Variants in ARID5B observed in about 807,000 individuals in gnomAD.
The protein encoded by ARID5B is AT-rich interactive domain-containing protein 5B.
In ARID5B, 13 loss-of-function variants were observed where a neutral mutation model predicts 97.2. That is an observed-to-expected ratio of 0.13 (90% CI 0.09 to 0.21). The LOEUF (loss-of-function observed/expected upper bound fraction) is 0.21, where lower values mean the gene tolerates loss of function less well. Ranked by LOEUF, ARID5B falls within the 10% of genes least tolerant of loss-of-function variation. The pLI, the probability that ARID5B is intolerant of heterozygous loss-of-function variation, is 1.00. For missense variants in ARID5B, 1,210 were observed against 1,465.3 expected, an observed-to-expected ratio of 0.83 and a Z score of 2.84; for synonymous variants, 556 against 570.3, an observed-to-expected ratio of 0.97 and a Z score of 0.36.
At chr10:61,909,026 C>T (rs1397893385) in intron 2 of ARID5B, among the ~76,000 whole-genome samples, 4 of 152,092 alleles carry the variant, frequency 2.6e-5, no homozygotes, top group Non-Finnish European at 5.9e-5. Flanking sequence ...ATTATTACTT[C>T]CTGGACACAT....
chr10:62,049,495 T>C (rs1191734356), intron 4 of ARID5B: 5 of 1,550,398 alleles, frequency 3.2e-6, no homozygotes, highest in Non-Finnish European at 3.5e-6. Context: ...TAATCGCTAC[T>C]TTCTCTTTGC....
intron 2 of ARID5B, among the ~76,000 whole-genome samples, chr10:61,936,709 GAGA>G (rs1844306774): frequency 6.6e-6 from 1 of 152,028 alleles, no homozygotes; most frequent in Admixed American, 6.6e-5. Context: ...CACCAATTTA[GAGA>G]AGAAATAACA....
At chr10:61,903,354 C>A (rs756927574) in intron 2 of ARID5B, among the ~76,000 whole-genome samples, 4 of 152,170 alleles carry the variant, frequency 2.6e-5, no homozygotes, top group Non-Finnish European at 2.9e-5. Context: ...CGGAGGTGAG[C>A]CCGCTGTCAC....
At chr10:61,977,192 C>T (rs573915414) in intron 3 of ARID5B, among the ~76,000 whole-genome samples, 1 of 152,142 alleles carries the variant, frequency 6.6e-6, no homozygotes, top group Non-Finnish European at 1.5e-5. Flanking sequence ...TGAACTCATC[C>T]TTTTTTATGG....
At position 61,979,688 on chromosome 10, in the gene ARID5B, G is replaced by C. The variant is rs532638500; in HGVS notation, c.503-20403G>C. ...CCTCTATCCAGGTCTGGCACAAACAGTAGCCACAGCAACCACAGTGATTAG... is the reference window on the plus strand; with the variant it reads ...CCTCTATCCAGGTCTGGCACAAACACTAGCCACAGCAACCACAGTGATTAG... On this transcript the variant is annotated intron_variant, in intron 3 of 9. Transcript: ENST00000279873. Among the ~76,000 whole-genome samples the C allele has an allele frequency of 2.6e-5, 4 of 152,282 alleles. No individual in the cohort carries two copies. In the South Asian group the frequency reaches 6.2e-4, roughly 24 times the overall value.
At chr10:61,910,653 C>A (rs1001863567) in intron 2 of ARID5B, among the ~76,000 whole-genome samples, 3 of 152,158 alleles carry the variant, frequency 2.0e-5, no homozygotes, top group Non-Finnish European at 1.5e-5. Flanking sequence ...GCATCAGTAT[C>A]GACAACACAT....
At chr10:62,016,316 AC>A (rs1306707631) in intron 4 of ARID5B, among the ~76,000 whole-genome samples, 1 of 152,182 alleles carries the variant, frequency 6.6e-6, no homozygotes, top group Non-Finnish European at 1.5e-5. Flanking sequence ...AAATGTATTG[AC>A]CTCTGATATA....
intron 3 of ARID5B, among the ~76,000 whole-genome samples, chr10:61,942,917 G>A (rs1362994550): frequency 2.0e-5 from 3 of 152,144 alleles, no homozygotes; most frequent in Admixed American, 2.0e-4. Context: ...ATGATCAACA[G>A]GAGAGTTGAT....
intron 3 of ARID5B, among the ~76,000 whole-genome samples, chr10:61,963,371 C>T (rs138390460): frequency 3.0e-3 from 462 of 152,196 alleles, no homozygotes; most frequent in Non-Finnish European, 5.5e-3. Flanking sequence ...CTTTGTTTCC[C>T]TACCTGTTAC....
At chr10:62,051,099 A>G (rs1290426933) in intron 5 of ARID5B, 99 bp downstream of exon 5, 3 of 977,044 alleles carry the variant, frequency 3.1e-6, no homozygotes, top group Non-Finnish European at 4.8e-6. Context: ...GCAGTTTTCA[A>G]TTCAGCATCT....
At chr10:61,932,340 A>G (rs1371614107) in intron 2 of ARID5B, among the ~76,000 whole-genome samples, 3 of 151,846 alleles carry the variant, frequency 2.0e-5, no homozygotes, top group African/African-American at 7.3e-5. Flanking sequence ...ATGGCAGCTG[A>G]CTGATCAGGG....
intron 2 of ARID5B, among the ~76,000 whole-genome samples, chr10:61,932,413 C>CTTTTTTTTTTTTTTTTTTTTTTTTTT (rs200321468): frequency 7.4e-6 from 1 of 135,518 alleles, no homozygotes; most frequent in Non-Finnish European, 1.6e-5. Context: ...TTTTCTTTTT[C>CTTTTTTTTTTTTTTTTTTTTTTTTTT]TTTTTTTTTT....
intron 2 of ARID5B, among the ~76,000 whole-genome samples, chr10:61,905,302 T>C (rs895026756): frequency 8.5e-5 from 13 of 152,244 alleles, no homozygotes; most frequent in African/African-American, 3.1e-4. Context: ...CAGGACTCAG[T>C]ATGCTTTTTT....
chr10:62,077,509 A>T (rs939810484), intron 8 of ARID5B, among the ~76,000 whole-genome samples: 4 of 145,622 alleles, frequency 2.7e-5, no homozygotes, highest in Non-Finnish European at 6.2e-5. Context: ...AACTACAGCG[A>T]GTTCTTTGTT....
chr10:61,997,957 T>A (rs763895583), intron 3 of ARID5B, among the ~76,000 whole-genome samples: 18 of 152,170 alleles, frequency 1.2e-4, no homozygotes, highest in South Asian at 8.3e-4. Context: ...GGGACATATA[T>A]CAGCATCTCA....
At chr10:61,918,334 C>A (rs1230169920) in intron 2 of ARID5B, among the ~76,000 whole-genome samples, 4 of 152,184 alleles carry the variant, frequency 2.6e-5, no homozygotes, top group Non-Finnish European at 5.9e-5. Context: ...AGTTTCTTAT[C>A]TGTGAAATGG....
intron 2 of ARID5B, among the ~76,000 whole-genome samples, chr10:61,919,043 C>G (rs1305596422): frequency 4.2e-5 from 5 of 118,922 alleles, no homozygotes; most frequent in Non-Finnish European, 9.5e-5. Context: ...CCGTCCCCCC[C>G]CCCCCCCCCA....
At chr10:61,939,903 C>A (rs902179890) in intron 2 of ARID5B, among the ~76,000 whole-genome samples, 2 of 152,174 alleles carry the variant, frequency 1.3e-5, no homozygotes. Context: ...ACTTGGGCAA[C>A]CAACATTAAA....
At chr10:62,054,195 TGTCACC>T (rs1839826345) in intron 5 of ARID5B, among the ~76,000 whole-genome samples, 1 of 152,202 alleles carries the variant, frequency 6.6e-6, no homozygotes, top group East Asian at 1.9e-4. Context: ...AGTAATTAAC[TGTCACC>T]ATCAAAAGGC....
Sources: allele counts gnomAD v4.1 joint callset (sites outside exome capture counted in the v4.1 genomes callset), GRCh38; gene constraint gnomAD v4.1.1; transcripts MANE v1.5; gene names NCBI Gene and HGNC (gene_info 2026-07-23, HGNC 2026-07-21).